The following PCDH9 variants were observed in gnomAD, a reference collection of about 807,000 sequenced individuals.
PCDH9 encodes protocadherin-9.
Under a neutral mutation model 70.6 loss-of-function variants are expected in PCDH9, and 24 were observed. The ratio of observed to expected loss-of-function variants is 0.34; its 90% confidence interval spans 0.25 to 0.48. The LOEUF (loss-of-function observed/expected upper bound fraction) is 0.48. Among genes scored for constraint, PCDH9 ranks in the 20% least tolerant of loss-of-function variants. The pLI is 0.99. For missense variants in PCDH9, 1,281 were observed against 1,503.6 expected, an observed-to-expected ratio of 0.85 and a Z score of 2.45; for synonymous variants, 562 against 558.5, an observed-to-expected ratio of 1.01 and a Z score of -0.09.
At chr13:66,863,875 G>A (rs1050393571) in intron 3 of PCDH9, among the ~76,000 whole-genome samples, 2 of 152,014 alleles carry the variant, frequency 1.3e-5, no homozygotes, top group East Asian at 3.9e-4. Flanking sequence ...AATTACCCGA[G>A]ACAGGGTAAT....
chr13:66,633,212 C>A (rs2077594485), intron 3 of PCDH9, among the ~76,000 whole-genome samples: 1 of 152,246 alleles, frequency 6.6e-6, no homozygotes, highest in South Asian at 2.1e-4. Flanking sequence ...AAACTATAAT[C>A]ATAAATGGTA....
chr13:67,027,946 T>C (rs1255457490), intron 2 of PCDH9, among the ~76,000 whole-genome samples: 34 of 150,748 alleles, frequency 2.3e-4, no homozygotes, highest in Admixed American at 6.6e-4. Flanking sequence ...TGTGGAGAAA[T>C]AGGAACACTT....
intron 4 of PCDH9, among the ~76,000 whole-genome samples, chr13:66,413,310 C>T (rs1434496178): frequency 6.6e-6 from 1 of 152,118 alleles, no homozygotes; most frequent in African/African-American, 2.4e-5. Flanking sequence ...TTCTATGAAT[C>T]TCCCTATACC....
chr13:66,625,897 C>T (rs1258284036), intron 4 of PCDH9, among the ~76,000 whole-genome samples: 1 of 152,016 alleles, frequency 6.6e-6, no homozygotes, highest in African/African-American at 2.4e-5. Context: ...CTCCTGACCT[C>T]AAATGATCTG....
chr13:66,461,016 T>C (rs932472163), intron 4 of PCDH9, among the ~76,000 whole-genome samples: 2 of 151,860 alleles, frequency 1.3e-5, no homozygotes, highest in Non-Finnish European at 1.5e-5. Context: ...TATTAGATGC[T>C]AAAATAAAGA....
chr13:66,637,480 G>T (rs2138953749), intron 3 of PCDH9, among the ~76,000 whole-genome samples: 1 of 152,220 alleles, frequency 6.6e-6, no homozygotes, highest in Admixed American at 6.5e-5. Flanking sequence ...TATGAGTTGA[G>T]AATTTTTTAT....
chr13:66,568,630 C>A (rs1196618180), intron 4 of PCDH9, among the ~76,000 whole-genome samples: 3 of 150,990 alleles, frequency 2.0e-5, no homozygotes, highest in Non-Finnish European at 2.9e-5. Flanking sequence ...TATGATCATG[C>A]CACTGCAATC....
At chr13:66,996,276 A>C (rs2084113329) in intron 2 of PCDH9, 1 of 152,196 alleles carries the variant, frequency 6.6e-6, no homozygotes, top group African/African-American at 2.4e-5. Context: ...TGAAGCTTGT[A>C]TTCTAGTGAG....
At chr13:66,832,318 T>C (rs1215116049) in intron 3 of PCDH9, among the ~76,000 whole-genome samples, 1 of 152,078 alleles carries the variant, frequency 6.6e-6, no homozygotes, top group African/African-American at 2.4e-5. Context: ...AATTAGAATA[T>C]TCTTACATTT....
At chr13:66,320,310 G>A (rs1490279036) in intron 4 of PCDH9, among the ~76,000 whole-genome samples, 4 of 152,002 alleles carry the variant, frequency 2.6e-5, no homozygotes, top group South Asian at 4.1e-4. Flanking sequence ...TTCTTGACTT[G>A]GCCTCTGTGC....
At chr13:66,854,300 C>A (rs2081360282) in intron 3 of PCDH9, among the ~76,000 whole-genome samples, 1 of 152,064 alleles carries the variant, frequency 6.6e-6, no homozygotes, top group Non-Finnish European at 1.5e-5. Flanking sequence ...AATATAAAGT[C>A]CCTGACCTGA....
At chr13:67,152,799 C>G (rs1316772633) in intron 2 of PCDH9, among the ~76,000 whole-genome samples, 1 of 152,178 alleles carries the variant, frequency 6.6e-6, no homozygotes, top group Non-Finnish European at 1.5e-5. Flanking sequence ...TTAAAAATCA[C>G]ACTGAAGGAG....
At chr13:67,040,131 G>T (rs1468247953) in intron 2 of PCDH9, among the ~76,000 whole-genome samples, 1 of 152,124 alleles carries the variant, frequency 6.6e-6, no homozygotes, top group Non-Finnish European at 1.5e-5. Context: ...TAAAAACTCA[G>T]AATTGGGCTA....
At chr13:66,401,604 A>G (rs1957188857) in intron 4 of PCDH9, among the ~76,000 whole-genome samples, 1 of 152,222 alleles carries the variant, frequency 6.6e-6, no homozygotes, top group Admixed American at 6.5e-5. Flanking sequence ...TATAATTTAT[A>G]AAATGAAAAC....
chr13:66,331,138 C>T (rs1036641303), intron 4 of PCDH9, among the ~76,000 whole-genome samples: 1 of 151,972 alleles, frequency 6.6e-6, no homozygotes, highest in Admixed American at 6.6e-5. Context: ...CGTGTGTTTG[C>T]GTGTGTGTAC....
chr13:66,397,969 T>A (rs897330657), intron 4 of PCDH9, among the ~76,000 whole-genome samples: 1 of 152,028 alleles, frequency 6.6e-6, no homozygotes, highest in Non-Finnish European at 1.5e-5. Context: ...ATAAAATTAA[T>A]AATGCCAATA....
At chr13:67,139,939 T>A (rs1233224813) in intron 2 of PCDH9, among the ~76,000 whole-genome samples, 1 of 151,666 alleles carries the variant, frequency 6.6e-6, no homozygotes, top group Non-Finnish European at 1.5e-5. Context: ...CAGGATAGAA[T>A]AGTTTTCTTT....
chr13:66,419,061 G>C (rs1335638524), intron 4 of PCDH9, among the ~76,000 whole-genome samples: 1 of 152,012 alleles, frequency 6.6e-6, no homozygotes, highest in African/African-American at 2.4e-5. Context: ...TCCCTGAACA[G>C]ACCAGTAACA....
rs147230538 is a variant in PCDH9, at chr13:66,655,502, A to G, written c.3139-24091T>C. Among the ~76,000 whole-genome samples the G allele has an allele frequency of 4.0e-3, 616 of 152,186 alleles. 3 individuals carry two copies. Among genetic ancestry groups the G allele is most frequent in the African/African-American group, 0.014 (592 of 41,556 alleles). ...TCTTTTTAATGTGCTTTTTCTTCATATAAAGTCAGTCCTTTAAAATATTTA... is the reference window on the plus strand; with the variant it reads ...TCTTTTTAATGTGCTTTTTCTTCATGTAAAGTCAGTCCTTTAAAATATTTA... On this transcript the variant is annotated intron_variant, in intron 3 of 4. Coordinates refer to ENST00000377865, the MANE Select transcript of PCDH9 (RefSeq NM_203487.3).
Sources: allele counts gnomAD v4.1 joint callset (sites outside exome capture counted in the v4.1 genomes callset), GRCh38; gene constraint gnomAD v4.1.1; transcripts MANE v1.5; gene names NCBI Gene and HGNC (gene_info 2026-07-23, HGNC 2026-07-21).